The following GPR161 variants were observed in gnomAD, a reference collection of about 807,000 sequenced individuals.
GPR161 encodes the protein G protein-coupled receptor 161.
GPR161 carries 25 observed loss-of-function variants against 39.2 expected under a neutral mutation model. That is an observed-to-expected ratio of 0.64 (90% CI 0.47 to 0.89). The LOEUF (loss-of-function observed/expected upper bound fraction) is 0.89. GPR161 is among the 40% of genes least tolerant of loss of function. The pLI, the probability that GPR161 is intolerant of heterozygous loss-of-function variation, is 0.00. For missense variants in GPR161, 547 were observed against 677.8 expected (o/e 0.81, Z 2.14); for synonymous variants, 286 against 276.6 (o/e 1.03, Z -0.34).
At chr1:168,111,157 G>A (rs1477907882) in intron 1 of GPR161, among the ~76,000 whole-genome samples, 1 of 152,216 alleles carries the variant, frequency 6.6e-6, no homozygotes, top group Admixed American at 6.5e-5. Flanking sequence ...ATGTCCAACA[G>A]AAGGGCAGCA....
Position 168,085,483 on chromosome 1 carries a change from T to TC in GPR161, c.*47dup. 1 of 1,566,468 alleles carries TC rather than the reference T, an allele frequency of 6.4e-7. No individual in the cohort carries two copies. Among genetic ancestry groups the TC allele is most frequent in the Non-Finnish European group, 8.7e-7 (1 of 1,149,844 alleles). ...CGGCACAGGCGGTGATGGGAACTCC[T>TC]CCCCGGGCCAGCCTCTCAGGCTGCA... On this transcript the variant is annotated 3_prime_UTR_variant, in exon 6 of 6. Coordinates refer to ENST00000682931, the MANE Select transcript of GPR161 (RefSeq NM_001375883.1).
chr1:168,085,888 G>A, intron 5 of GPR161, 92 bp from the exon 6 acceptor site: 1 of 1,174,350 alleles, frequency 8.5e-7, no homozygotes, highest in Non-Finnish European at 1.2e-6. Context: ...CCACCCCGGG[G>A]AGGGAGACAA....
chr1:168,091,066 G>A (rs1695013017), intron 3 of GPR161, among the ~76,000 whole-genome samples: 1 of 152,218 alleles, frequency 6.6e-6, no homozygotes, highest in African/African-American at 2.4e-5. Context: ...GGATTTTTAA[G>A]AGGCTTACAC....
intron 1 of GPR161, among the ~76,000 whole-genome samples, chr1:168,125,623 CCT>C (rs1491267307): frequency 4.4e-5 from 6 of 137,166 alleles, no homozygotes; most frequent in African/African-American, 1.2e-4. Flanking sequence ...GCTTCCCCCC[CCT>C]TTTTTTTTTT....
chr1:168,107,015 C>T (rs1175341132), intron 1 of GPR161, among the ~76,000 whole-genome samples: 1 of 151,982 alleles, frequency 6.6e-6, no homozygotes, highest in Non-Finnish European at 1.5e-5. Context: ...CAAGGGACAA[C>T]ATGGTGATTA....
At chr1:168,087,823 T>C (rs1312409104) in intron 4 of GPR161, 119 bp from the exon 5 acceptor site, 2 of 1,009,852 alleles carry the variant, frequency 2.0e-6, no homozygotes, top group Non-Finnish European at 2.9e-6. Context: ...CATCATCAAG[T>C]GGAGCTGACT....
intron 1 of GPR161, among the ~76,000 whole-genome samples, chr1:168,116,906 G>A (rs574202829): frequency 6.6e-6 from 1 of 152,102 alleles, no homozygotes; most frequent in African/African-American, 2.4e-5. Flanking sequence ...AATGTACCAG[G>A]GAAAGGCAAA....
chr1:168,110,524 G>A (rs1218065172), intron 1 of GPR161, among the ~76,000 whole-genome samples: 3 of 66,282 alleles, frequency 4.5e-5, no homozygotes, highest in African/African-American at 2.4e-4. Context: ...AAAAAAAAAC[G>A]AAAGAAAGGA....
rs758008093 is a variant in GPR161 at position 168,096,926 on chromosome 1, G to A, written c.681C>T (p.Val227=). Reference sequence around the variant, plus strand: ...TCTGAGCATCCTCCTCCACGATGACGACTGTGCCACAGTGCACCTTGCGTG... The same window carrying A: ...TCTGAGCATCCTCCTCCACGATGACAACTGTGCCACAGTGCACCTTGCGTG... ...VKARKVHCGT[V]VIVEEDAQRT... Residue 227 remains valine, a synonymous_variant, in exon 3 of 6, where the codon GTC becomes GTT. Coordinates refer to ENST00000682931, the MANE Select transcript of GPR161 (RefSeq NM_001375883.1). 6.8e-6 allele frequency: 11 copies of A among 1,613,934 alleles called. No individual in the cohort carries two copies. The highest frequency in any genetic ancestry group is 4.0e-5 in the African/African-American group (3 of 74,906).
intron 1 of GPR161, among the ~76,000 whole-genome samples, chr1:168,114,886 C>G (rs918079512): frequency 2.6e-5 from 4 of 152,104 alleles, no homozygotes; most frequent in Non-Finnish European, 4.4e-5. Flanking sequence ...TTGGGTGAAG[C>G]CATCATCACT....
At chr1:168,127,944 G>A (rs1248836103) in intron 1 of GPR161, among the ~76,000 whole-genome samples, 1 of 152,186 alleles carries the variant, frequency 6.6e-6, no homozygotes, top group Non-Finnish European at 1.5e-5. Flanking sequence ...TCCATAAGGG[G>A]CTCAGGGCCT....
chr1:168,097,217 C>G lies in GPR161; in HGVS notation c.390G>C (p.Leu130=). Reference sequence around the variant, plus strand: ...TCTTCATGGGGTACACCATGGGGTACAGGACAGCATAGTAGCTAGAAAAGG... The same window carrying G: ...TCTTCATGGGGTACACCATGGGGTAGAGGACAGCATAGTAGCTAGAAAAGG... ...VIAIDRYYAV[L]YPMVYPMKIT... Residue 130 remains leucine (L), a synonymous_variant, in exon 3 of 6, where the codon CTG becomes CTC. Transcript: ENST00000682931. The G allele has an allele frequency of 1.2e-6, 2 of 1,613,158 alleles. No homozygotes were observed. Among genetic ancestry groups the G allele is most frequent in the Non-Finnish European group, 1.7e-6 (2 of 1,179,656 alleles).
At position 168,082,795 on chromosome 1, in the gene GPR161, G is replaced by A. The variant is rs1038236384; in HGVS notation, c.*2736C>T. On this transcript the variant is annotated 3_prime_UTR_variant, in exon 6 of 6. Coordinates refer to ENST00000682931, the MANE Select transcript of GPR161 (RefSeq NM_001375883.1). ...AGCTAAAGAGCCTGGGTTTAGTGGG[G>A]GCACTTGGGGTTTCGACCTTCTGCA... 1.3e-5 allele frequency: 2 copies of A among 152,196 alleles called. No individual in the cohort carries two copies. Among genetic ancestry groups the A allele is most frequent in the Non-Finnish European group, 2.9e-5 (2 of 68,052 alleles). The allele number at this position is 152,196 out of a possible 1,614,324, so 9.4% of individuals were successfully genotyped here.
intron 1 of GPR161, among the ~76,000 whole-genome samples, chr1:168,117,467 C>T (rs1697729301): frequency 6.6e-6 from 1 of 152,166 alleles, no homozygotes; most frequent in African/African-American, 2.4e-5. Flanking sequence ...AGCTCTGCTA[C>T]TTACTGCCTC....
intron 3 of GPR161, among the ~76,000 whole-genome samples, chr1:168,094,689 T>A (rs948127926): frequency 6.6e-6 from 1 of 152,114 alleles, no homozygotes; most frequent in Admixed American, 6.6e-5. Context: ...GTTTGAAGAG[T>A]TGCCCGAAGT....
chr1:168,108,567 T>C (rs889477735), intron 1 of GPR161, among the ~76,000 whole-genome samples: 2 of 120,046 alleles, frequency 1.7e-5, no homozygotes, highest in Non-Finnish European at 3.4e-5. Flanking sequence ...CACAAATATA[T>C]ATAAATATGT....
chr1:168,101,543 A>G (rs1028506749), intron 2 of GPR161, among the ~76,000 whole-genome samples: 4 of 152,194 alleles, frequency 2.6e-5, no homozygotes, highest in Admixed American at 1.3e-4. Flanking sequence ...GTACAATGAC[A>G]AAGCGTCCAG....
At chr1:168,116,685 A>G (rs1697660508) in intron 1 of GPR161, among the ~76,000 whole-genome samples, 1 of 152,026 alleles carries the variant, frequency 6.6e-6, no homozygotes, top group East Asian at 1.9e-4. Context: ...CTTCCCTGGC[A>G]CTCACCTGAA....
intron 1 of GPR161, chr1:168,133,993 T>A: frequency 3.8e-6 from 1 of 260,566 alleles, no homozygotes; most frequent in Non-Finnish European, 6.0e-6. Context: ...TGGAGGGGAA[T>A]TTAATTTATT....
Sources: gnomAD v4.1 joint callset for allele counts (sites outside exome capture counted in the v4.1 genomes callset) on GRCh38, gnomAD v4.1.1 for gene constraint, MANE v1.5 for transcripts, NCBI Gene and HGNC (gene_info 2026-07-23, HGNC 2026-07-21) for gene names.